The following SPC25 variants were observed in gnomAD, a reference collection of about 807,000 sequenced individuals.
SPC25 encodes the protein kinetochore protein Spc25.
In SPC25, 22 loss-of-function variants were observed where a neutral mutation model predicts 29.6. The ratio of observed to expected loss-of-function variants is 0.74; its 90% CI spans 0.53 to 1.06. The LOEUF is 1.06. SPC25 is among the 50% of genes least tolerant of loss of function. The pLI, the probability that SPC25 is intolerant of heterozygous loss-of-function variation, is 0.00. For synonymous variants in SPC25, 91 were observed against 90.4 expected (o/e 1.01, Z -0.04); for missense variants, 230 against 255.8 (o/e 0.90, Z 0.69).
In SPC25 at chr2:168,875,758, CACT is replaced by C. The variant is rs550701938; in HGVS notation, c.451+311_451+313del. Among the ~76,000 whole-genome samples, 25 of 152,104 alleles carry C rather than the reference CACT, an allele frequency of 1.6e-4. 2 individuals are homozygous for C. In the South Asian group the frequency reaches 5.2e-3, roughly 32 times the overall value. On this transcript the variant is annotated intron_variant, in intron 5 of 6. Coordinates refer to ENST00000282074, the MANE Select transcript of SPC25 (RefSeq NM_020675.4). ...ATATTAATAGAATGAATTATTACAT[CACT>C]ACTTAAAAATTACCATTATGAAGAC...
chr2:168,867,700 T>C (rs1450710484), downstream of SPC25, among the ~76,000 whole-genome samples: 2 of 152,198 alleles, frequency 1.3e-5, no homozygotes, highest in East Asian at 1.9e-4. Flanking sequence ...CCTAAATATA[T>C]ATGCACCCAA....
chr2:168,874,321 A>G lies in SPC25; in HGVS notation c.452-638T>C, dbSNP rs575469725. On this transcript the variant is annotated intron_variant, in intron 5 of 6. Coordinates refer to ENST00000282074, the MANE Select transcript of SPC25 (RefSeq NM_020675.4). Reference sequence around the variant, plus strand: ...GCCACTGTGAAAAACAGTTTGGCAGATCCTCAAAAAGTTTAAATACAGAAT... The same window carrying G: ...GCCACTGTGAAAAACAGTTTGGCAGGTCCTCAAAAAGTTTAAATACAGAAT... 2.5e-4 allele frequency among the ~76,000 whole-genome samples: 38 copies of G among 152,320 alleles called. No homozygotes were observed. The South Asian group carries it at 7.7e-3, about 31-fold the overall frequency.
At chr2:168,883,346 C>T (rs1381599746) in intron 3 of SPC25, among the ~76,000 whole-genome samples, 1 of 151,972 alleles carries the variant, frequency 6.6e-6, no homozygotes, top group South Asian at 2.1e-4. Context: ...ATATTTTTTG[C>T]TTTTCTGTAT....
At chr2:168,864,684 T>G in intron 4 of SPC25, 1 of 746,884 alleles carries the variant, frequency 1.3e-6, no homozygotes, top group East Asian at 2.6e-5. Context: ...TACACAGGTG[T>G]TCGATACATT....
At chr2:168,883,848 G>A (rs894978917) in intron 3 of SPC25, among the ~76,000 whole-genome samples, 4 of 150,222 alleles carry the variant, frequency 2.7e-5, no homozygotes, top group African/African-American at 9.8e-5. Context: ...TCAGCTCACT[G>A]CAACCTCCGC....
chr2:168,872,445 T>C (rs1690012235), intron 6 of SPC25, among the ~76,000 whole-genome samples: 1 of 152,126 alleles, frequency 6.6e-6, no homozygotes, highest in African/African-American at 2.4e-5. Context: ...GTATTGTCCT[T>C]GTATGTAGTT....
At chr2:168,865,109 C>A in intron 4 of SPC25, 1 of 865,702 alleles carries the variant, frequency 1.2e-6, no homozygotes, top group Non-Finnish European at 1.7e-6. Context: ...CAGCACTTTG[C>A]ATTCATGATT....
chr2:168,867,947 C>G (rs1351308058), downstream of SPC25, among the ~76,000 whole-genome samples: 88 of 152,306 alleles, frequency 5.8e-4, no homozygotes, highest in Non-Finnish European at 9.7e-4. Context: ...TGACCACATA[C>G]TTGGAAGTAA....
intron 3 of SPC25, 21 bp downstream of exon 3, chr2:168,889,205 G>A (rs750463299): frequency 5.4e-5 from 87 of 1,603,634 alleles, no homozygotes; most frequent in Non-Finnish European, 7.2e-5. Flanking sequence ...AAAACCCCAT[G>A]ATTTATACTT....
chr2:168,886,605 C>T (rs780005580), intron 3 of SPC25, among the ~76,000 whole-genome samples: 18 of 151,566 alleles, frequency 1.2e-4, no homozygotes, highest in African/African-American at 3.4e-4. Context: ...CTGCAAGCTC[C>T]GCCTCCCAGG....
chr2:168,866,603 C>T (rs1689858518), downstream of SPC25, among the ~76,000 whole-genome samples: 1 of 151,848 alleles, frequency 6.6e-6, no homozygotes, highest in African/African-American at 2.4e-5. Flanking sequence ...AAAGCAATGG[C>T]AACAAAAGCC....
intron 3 of SPC25, among the ~76,000 whole-genome samples, chr2:168,886,185 C>G (rs1467837544): frequency 1.3e-5 from 2 of 150,896 alleles, no homozygotes; most frequent in African/African-American, 2.4e-5. Context: ...TCCTGAGTAG[C>G]TGGGACTACA....
intron 1 of SPC25, 60 bp from the exon 2 acceptor site, chr2:168,889,593 C>G: frequency 6.6e-7 from 1 of 1,511,210 alleles, no homozygotes; most frequent in African/African-American, 1.4e-5. Flanking sequence ...CCCACATATT[C>G]CAATCGGGTA....
In SPC25 at chr2:168,876,193, C is replaced by T. The variant is rs1467344556; in HGVS notation, c.347-17G>A. ...TAGAAATAGCTGATTAAAAAACACA[C>T]ACAATATTAAATGTTTTAAATAATA... On this transcript the variant is annotated splice_polypyrimidine_tract_variant and intron_variant, in intron 4 of 6. Transcript: ENST00000282074. The T allele has an allele frequency of 1.4e-6, 2 of 1,481,068 alleles. No individual in the cohort carries two copies. Among genetic ancestry groups the T allele is most frequent in the East Asian group, 2.5e-5 (1 of 40,210 alleles). 91.7% of individuals were successfully genotyped at this position (1,481,068 alleles called of 1,614,324 possible).
chr2:168,872,410 A>G (rs761659931), intron 6 of SPC25, among the ~76,000 whole-genome samples: 4 of 152,202 alleles, frequency 2.6e-5, no homozygotes, highest in Non-Finnish European at 5.9e-5. Flanking sequence ...TATTAATCAA[A>G]TGAGACTCAA....
At chr2:168,887,357 G>A (rs1290116728) in intron 3 of SPC25, among the ~76,000 whole-genome samples, 5 of 151,466 alleles carry the variant, frequency 3.3e-5, no homozygotes, top group Admixed American at 6.6e-5. Flanking sequence ...AGAAGGCAAA[G>A]GTTGCAGTGA....
chr2:168,885,371 T>A (rs558604561), intron 3 of SPC25, among the ~76,000 whole-genome samples: 1 of 152,328 alleles, frequency 6.6e-6, no homozygotes, highest in African/African-American at 2.4e-5. Flanking sequence ...TTACACTAAA[T>A]TTTTCCTTTA....
intron 6 of SPC25, 128 bp from the exon 7 acceptor site, chr2:168,871,683 A>C (rs1281910837): frequency 2.3e-6 from 2 of 860,032 alleles, no homozygotes. Flanking sequence ...TTCTTTGAGC[A>C]AAAAAGGATA....
chr2:168,879,678 A>G (rs1047452735), intron 3 of SPC25, among the ~76,000 whole-genome samples: 23 of 152,358 alleles, frequency 1.5e-4, no homozygotes, highest in African/African-American at 5.5e-4. Flanking sequence ...TATGGCATCT[A>G]GAATGGTGAA....
Sources: allele counts gnomAD v4.1 joint callset (sites outside exome capture counted in the v4.1 genomes callset), GRCh38; gene constraint gnomAD v4.1.1; transcripts MANE v1.5; gene names NCBI Gene and HGNC (gene_info 2026-07-23, HGNC 2026-07-21).